The following GAS6 variants were observed in gnomAD, a reference collection of about 807,000 sequenced individuals.
GAS6 encodes the protein growth arrest specific 6.
GAS6 carries 41 observed loss-of-function variants against 75.8 expected under a neutral mutation model. That is an observed-to-expected ratio of 0.54 (90% CI 0.42 to 0.70). The LOEUF is 0.70. Among genes scored for constraint, GAS6 ranks in the 30% least tolerant of loss-of-function variants. GAS6 has a pLI of 0.00. For synonymous variants in GAS6, 432 were observed against 412.6 expected (o/e 1.05, Z -0.57); for missense variants, 854 against 940.2 (o/e 0.91, Z 1.20).
chr13:113,824,257 C>T (rs112478335), intron 12 of GAS6, among the ~76,000 whole-genome samples: 7 of 71,494 alleles, frequency 9.8e-5, no homozygotes, highest in African/African-American at 3.1e-4. Context: ...CAGGAGCACC[C>T]GCGGTCTGGG....
intron 12 of GAS6, among the ~76,000 whole-genome samples, chr13:113,824,100 C>T (rs867388720): frequency 0.013 from 1,432 of 110,388 alleles, 18 homozygotes; most frequent in African/African-American, 0.059. Context: ...GGAGCACCCG[C>T]GGTCTGAGTT....
chr13:113,821,832 T>G, intron 14 of GAS6, 126 bp downstream of exon 14: 1 of 729,786 alleles, frequency 1.4e-6, no homozygotes, highest in Non-Finnish European at 2.1e-6. Context: ...TCCTTCCTCT[T>G]AAAACACAAG....
chr13:113,828,099 T>C (rs1243488972), intron 11 of GAS6, among the ~76,000 whole-genome samples: 2 of 152,012 alleles, frequency 1.3e-5, no homozygotes, highest in Non-Finnish European at 2.9e-5. Flanking sequence ...CCGTCTCTAC[T>C]AAAAATACAA....
intron 2 of GAS6, among the ~76,000 whole-genome samples, chr13:113,852,628 G>A (rs1245310933): frequency 6.6e-6 from 1 of 152,178 alleles, no homozygotes; most frequent in African/African-American, 2.4e-5. Context: ...CAGAATCCAT[G>A]GGAATTGGTG....
At chr13:113,824,415 C>CGCGCGGTCTGGGGTCTG (rs1566352855) in intron 12 of GAS6, among the ~76,000 whole-genome samples, 3 of 67,526 alleles carry the variant, frequency 4.4e-5, no homozygotes, top group African/African-American at 2.8e-4. Context: ...GTCAGGAGCA[C>CGCGCGGTCTGGGGTCTG]ATGCGGTCTG....
At chr13:113,835,865 A>T in intron 6 of GAS6, 8 of 1,284,778 alleles carry the variant, frequency 6.2e-6, no homozygotes, top group East Asian at 3.4e-5. Context: ...ACTTCAGCCC[A>T]GCAGGTGGAG....
rs1285297312 is a variant in GAS6 at position 113,822,016 on chromosome 13, C to T, written c.1824G>A (p.Leu608=). 6.4e-7 allele frequency: 1 copy of T among 1,563,916 alleles called. No homozygotes were observed. Among genetic ancestry groups the T allele is most frequent in the Non-Finnish European group, 8.6e-7 (1 of 1,156,442 alleles). ...TCCGCAGGTGCCTCTCGAGCACGGC[C>T]AGCCTCTCCTGCAGCTGCGCGGCGC... The part of the protein sequence containing the change: ...EVSAAQLQER[L]AVLERHLRSP... Residue 608 remains leucine, a synonymous_variant, in exon 14 of 15, where the codon CTG becomes CTA. Coordinates refer to ENST00000327773, the MANE Select transcript of GAS6 (RefSeq NM_000820.4).
At chr13:113,821,734 C>T (rs896121333) in intron 14 of GAS6, 10 of 541,110 alleles carry the variant, frequency 1.8e-5, no homozygotes, top group African/African-American at 9.5e-5. Flanking sequence ...AGGCCAATGC[C>T]GGCCCCCGTA....
chr13:113,841,166 G>A (rs1281383966), intron 4 of GAS6: 2 of 152,316 alleles, frequency 1.3e-5, no homozygotes, highest in African/African-American at 4.8e-5. Context: ...CCACCTGGCC[G>A]GGGTCAGGGG....
intron 4 of GAS6, 62 bp downstream of exon 4, chr13:113,846,465 C>T (rs2051834542): frequency 6.8e-7 from 1 of 1,463,454 alleles, no homozygotes. Flanking sequence ...CAAACCACAG[C>T]CAAGCCTAAA....
At position 113,827,855 on chromosome 13, in the gene GAS6, C is replaced by T. The variant is rs928342621; in HGVS notation, c.1309-691G>A. Among the ~76,000 whole-genome samples the T allele has an allele frequency of 2.7e-4, 41 of 152,272 alleles. 1 individual carries two copies. The Middle Eastern group carries it at 0.014, about 51-fold the overall frequency. On this transcript the variant is annotated intron_variant, in intron 11 of 14. Coordinates refer to ENST00000327773, the MANE Select transcript of GAS6 (RefSeq NM_000820.4). The stretch of plus-strand genomic sequence containing the variant: ...GTGCTGTGCTGAAGGGGAGAGAAGG[C>T]GGGACCTGGAGCAATGGCCCACACT...
rs759953459 is a variant in GAS6, at chr13:113,820,586, T to G, written c.*278A>C. ...CTGTAAATATTTTATTTTCCATATT[T>G]TAGAGTCAGAAAGAAGCGCTTGGTA... is the stretch of plus-strand genomic sequence containing the variant. On this transcript the variant is annotated 3_prime_UTR_variant, in exon 15 of 15. Coordinates refer to ENST00000327773, the MANE Select transcript of GAS6 (RefSeq NM_000820.4). The G allele has an allele frequency of 6.4e-4, 281 of 440,416 alleles. No homozygotes were observed. The highest frequency in any genetic ancestry group is 9.7e-4 in the Non-Finnish European group (239 of 246,920). 27.3% of individuals were successfully genotyped at this position (440,416 alleles called of 1,614,324 possible).
In GAS6 at chr13:113,863,352, G is replaced by T. The variant is rs1198619238; in HGVS notation, c.255+223C>A. Among the ~76,000 whole-genome samples, 1 of 152,154 alleles carries T rather than the reference G, an allele frequency of 6.6e-6. No individual in the cohort carries two copies. The stretch of plus-strand genomic sequence containing the variant: ...CCCGCGGGGAGGCGTCTGACAGCGA[G>T]CGTTTCCCGGACAGCCCCGCAGCGT... On this transcript the variant is annotated intron_variant, in intron 2 of 14. Coordinates refer to ENST00000327773, the MANE Select transcript of GAS6 (RefSeq NM_000820.4). The surrounding 1 kb of genome is among the most constrained non-coding windows in gnomAD (Gnocchi z 9.4).
intron 2 of GAS6, among the ~76,000 whole-genome samples, chr13:113,856,707 A>G (rs566408720): frequency 6.1e-4 from 93 of 152,366 alleles, no homozygotes; most frequent in African/African-American, 2.1e-3. Context: ...AAAGGAAGTG[A>G]ACAGTATCTT....
At chr13:113,855,835 A>T (rs56865280) in intron 2 of GAS6, among the ~76,000 whole-genome samples, 1 of 152,178 alleles carries the variant, frequency 6.6e-6, no homozygotes, top group Non-Finnish European at 1.5e-5. Context: ...CTTCTCCTCC[A>T]GCTTTATCCA....
intron 10 of GAS6, among the ~76,000 whole-genome samples, chr13:113,829,608 C>A (rs1307205521): frequency 1.3e-5 from 2 of 150,876 alleles, no homozygotes; most frequent in Non-Finnish European, 2.9e-5. Context: ...CTCAGAGAGA[C>A]CACCTGATCC....
chr13:113,862,762 C>T (rs562227771), intron 2 of GAS6, among the ~76,000 whole-genome samples: 2 of 152,296 alleles, frequency 1.3e-5, no homozygotes, highest in South Asian at 4.2e-4. Flanking sequence ...TTATTCCACC[C>T]CAGGAGAATT....
intron 14 of GAS6, chr13:113,821,390 C>G (rs1566349826): frequency 7.9e-6 from 2 of 251,686 alleles, no homozygotes; most frequent in Non-Finnish European, 1.5e-5. Context: ...GTCTGGCAGC[C>G]AAGAGAGAAA....
chr13:113,828,498 G>A lies in GAS6; in HGVS notation c.1308+49C>T, dbSNP rs187619142. The A allele has an allele frequency of 2.2e-4, 352 of 1,569,826 alleles. 2 individuals are homozygous for A. Among genetic ancestry groups the A allele is most frequent in the African/African-American group, 1.1e-3 (85 of 73,980 alleles). On this transcript the variant is annotated intron_variant, in intron 11 of 14. Transcript: ENST00000327773. ...ACTGAGGCTTCCTGACACCGTTCCC[G>A]GGATCCCAGCACACGGCGCGTCTAC... is the stretch of plus-strand genomic sequence containing the variant.
Sources: allele counts gnomAD v4.1 joint callset (sites outside exome capture counted in the v4.1 genomes callset), GRCh38; gene constraint gnomAD v4.1.1; non-coding constraint Gnocchi (gnomAD v3.1); transcripts MANE v1.5; gene names NCBI Gene and HGNC (gene_info 2026-07-23, HGNC 2026-07-21).